RHOD: variants seen among roughly 807,000 people sequenced by gnomAD.
RHOD encodes the protein ras homolog family member D.
Under a neutral mutation model 16.7 loss-of-function variants are expected in RHOD, and 11 were observed. That is an observed-to-expected ratio of 0.66 (90% CI 0.41 to 1.09). The LOEUF (loss-of-function observed/expected upper bound fraction) is 1.09. Among genes scored for constraint, RHOD ranks in the 50% least tolerant of loss-of-function variants. The probability of loss-of-function intolerance (pLI) is 0.00; values close to 1 mark genes in which losing one functional copy is unlikely to be tolerated. For missense variants in RHOD, 271 were observed against 291.7 expected, an observed-to-expected ratio of 0.93 and a Z score of 0.52; for synonymous variants, 124 against 126.3, an observed-to-expected ratio of 0.98 and a Z score of 0.12.
chr11:67,070,662 C>A, intron 4 of RHOD, 103 bp downstream of exon 4: 1 of 1,407,902 alleles, frequency 7.1e-7, no homozygotes, highest in Non-Finnish European at 9.9e-7. Flanking sequence ...GGGTGTAGGT[C>A]AGAGCTGCGG....
intron 3 of RHOD, among the ~76,000 whole-genome samples, chr11:67,068,146 C>T (rs1832718451): frequency 6.6e-6 from 1 of 152,188 alleles, no homozygotes; most frequent in Non-Finnish European, 1.5e-5. Context: ...TTGCCCTTGG[C>T]CAAGATGACA....
Position 67,071,420 on chromosome 11 carries a change from C to T in RHOD, c.466-15C>T. 6.4e-7 allele frequency: 1 copy of T among 1,572,466 alleles called. No homozygotes were observed. ...GTGCCCCCTTCACCGCAGCCCCATC[C>T]ACCTCTCCCTCTAGGGCCAGGAGAT... On this transcript the variant is annotated splice_polypyrimidine_tract_variant and intron_variant, in intron 4 of 4. Coordinates refer to ENST00000308831, the MANE Select transcript of RHOD (RefSeq NM_014578.4).
At chr11:67,070,269 G>A in intron 3 of RHOD, 156 bp from the exon 4 acceptor site, 1 of 805,468 alleles carries the variant, frequency 1.2e-6, no homozygotes, top group Non-Finnish European at 2.1e-6. Context: ...ATTCTTAGAT[G>A]AGGTTCTGGT....
At position 67,071,697 on chromosome 11, in the gene RHOD, C is replaced by G; in HGVS notation, c.*95C>G. ...GACCCGGTCCCTAGGCTGTGACCGC[C>G]GAACTCCACTGCAACAGACGGGCGC... On this transcript the variant is annotated 3_prime_UTR_variant, in exon 5 of 5. Coordinates refer to ENST00000308831, the MANE Select transcript of RHOD (RefSeq NM_014578.4). The G allele has an allele frequency of 7.9e-7, 1 of 1,268,488 alleles. No homozygotes were observed. Among genetic ancestry groups the G allele is most frequent in the Non-Finnish European group, 1.1e-6 (1 of 942,930 alleles). The allele number at this position is 1,268,488 out of a possible 1,614,324, so 78.6% of individuals were successfully genotyped here.
intron 3 of RHOD, among the ~76,000 whole-genome samples, chr11:67,069,233 C>T (rs979081297): frequency 2.0e-5 from 3 of 152,240 alleles, no homozygotes; most frequent in Non-Finnish European, 4.4e-5. Context: ...ATCCCCGGCT[C>T]CCCAGCTGTA....
At chr11:67,058,771 T>C (rs1349194120) in intron 1 of RHOD, among the ~76,000 whole-genome samples, 2 of 152,214 alleles carry the variant, frequency 1.3e-5, no homozygotes, top group Admixed American at 6.5e-5. Flanking sequence ...CCTTGGCCCA[T>C]GTGCTTTCTG....
chr11:67,066,451 G>C (rs1007624028), intron 2 of RHOD, among the ~76,000 whole-genome samples: 11 of 152,232 alleles, frequency 7.2e-5, no homozygotes, highest in Admixed American at 2.6e-4. Flanking sequence ...TCAGGGCAAA[G>C]CTGGCTTCTG....
In RHOD at chr11:67,071,590, C is replaced by G. The variant is rs748057809; in HGVS notation, c.621C>G (p.Cys207Trp). ...GGCGGCGGATTACCCAGGGCTTTTG[C>G]GTGGTGACCTGAGCGGCTCGGGGCG... is the stretch of plus-strand genomic sequence containing the variant. ...NFWRRITQGFCVVT is the reference protein window; with the variant it reads ...NFWRRITQGFWVVT Residue 207 changes from cysteine (C) to tryptophan (W), a missense_variant, in exon 5 of 5, where the codon TGC (cysteine) becomes TGG (tryptophan). Coordinates refer to ENST00000308831, the MANE Select transcript of RHOD (RefSeq NM_014578.4). 1 of 1,605,476 alleles carries G rather than the reference C, an allele frequency of 6.2e-7. No homozygotes were observed. Among genetic ancestry groups the G allele is most frequent in the Non-Finnish European group, 8.5e-7 (1 of 1,175,754 alleles).
At chr11:67,057,781 T>A (rs1481731324) in intron 1 of RHOD, among the ~76,000 whole-genome samples, 1 of 152,166 alleles carries the variant, frequency 6.6e-6, no homozygotes, top group Non-Finnish European at 1.5e-5. Flanking sequence ...TGTAGGGCAG[T>A]GGTGAAGTGG....
intron 3 of RHOD, among the ~76,000 whole-genome samples, chr11:67,068,882 G>A (rs1339769496): frequency 1.3e-5 from 2 of 152,066 alleles, no homozygotes; most frequent in African/African-American, 2.4e-5. Context: ...CGGTGGATGC[G>A]GGGGTGTGGG....
At position 67,059,276 on chromosome 11, in the gene RHOD, A is replaced by T. The variant is rs377207592; in HGVS notation, c.132+2242A>T. On this transcript the variant is annotated intron_variant, in intron 1 of 4. Transcript: ENST00000308831. ...CACAATGGGCCGGGCGTAATGGCCC[A>T]CACCTGTAATCCCAGCTCTCTGGGA... 6.6e-5 allele frequency among the ~76,000 whole-genome samples: 10 copies of T among 152,288 alleles called. No homozygotes were observed. The East Asian group carries it at 1.4e-3, about 21-fold the overall frequency.
Position 67,070,554 on chromosome 11 carries a change from C to G in RHOD, c.460C>G (p.His154Asp), listed in dbSNP as rs1183286107. Reference sequence around the variant, plus strand: ...AAACGGATTGGAGCCTGTGACCTACCACAGGGTAGGAAACCCAGCCCGAGG... The same window carrying G: ...AAACGGATTGGAGCCTGTGACCTACGACAGGGTAGGAAACCCAGCCCGAGG... ...RRNGLEPVTY[H>D]RGQEMARSVG... Residue 154 changes from histidine (H) to aspartate (D), a missense_variant, in exon 4 of 5, where the codon CAC becomes GAC. By Grantham distance (81) the His-to-Asp change is moderately conservative. Transcript: ENST00000308831. The G allele has an allele frequency of 6.2e-6, 10 of 1,613,916 alleles. No individual in the cohort carries two copies. The highest frequency in any genetic ancestry group is 8.5e-6 in the Non-Finnish European group (10 of 1,180,024).
intron 1 of RHOD, among the ~76,000 whole-genome samples, chr11:67,058,928 G>A (rs972897957): frequency 9.9e-5 from 15 of 152,268 alleles, no homozygotes; most frequent in Admixed American, 4.6e-4. Flanking sequence ...GAGGGCACCC[G>A]GGGAAGAGCA....
Position 67,065,749 on chromosome 11 carries a change from G to A in RHOD, c.133-147G>A, listed in dbSNP as rs1204251174. 31 of 589,802 alleles carry A rather than the reference G, an allele frequency of 5.3e-5. 1 individual carries two copies. The highest frequency in any genetic ancestry group is 2.6e-4 in the East Asian group (9 of 34,682). The allele number at this position is 589,802 out of a possible 1,614,324, so 36.5% of individuals were successfully genotyped here. ...TGCAAAAGCAGACAGGCTCTAGGCC[G>A]CCACCCCAGGCAGGCCAAGGAGGAG... On this transcript the variant is annotated intron_variant, in intron 1 of 4. Coordinates refer to ENST00000308831, the MANE Select transcript of RHOD (RefSeq NM_014578.4).
At chr11:67,071,105 C>T (rs1417554716) in intron 4 of RHOD, among the ~76,000 whole-genome samples, 1 of 151,948 alleles carries the variant, frequency 6.6e-6, no homozygotes, top group African/African-American at 2.4e-5. Context: ...GGTGTGGTGG[C>T]GGGTGCCTGT....
intron 1 of RHOD, among the ~76,000 whole-genome samples, chr11:67,061,689 A>C (rs1240856003): frequency 8.2e-6 from 1 of 122,346 alleles, no homozygotes; most frequent in Non-Finnish European, 1.7e-5. Context: ...AGCCGAGATC[A>C]GGCCACTGCA....
intron 1 of RHOD, among the ~76,000 whole-genome samples, chr11:67,063,152 G>A (rs1331313442): frequency 6.6e-6 from 1 of 152,170 alleles, no homozygotes; most frequent in African/African-American, 2.4e-5. Context: ...CACTTTGGGA[G>A]GCCAAGGCAG....
At chr11:67,057,698 C>T (rs1438004627) in intron 1 of RHOD, among the ~76,000 whole-genome samples, 3 of 152,222 alleles carry the variant, frequency 2.0e-5, no homozygotes, top group Non-Finnish European at 4.4e-5. Context: ...CTCTGAGCCC[C>T]GTGCCCTTTT....
At chr11:67,062,711 C>T (rs1208540741) in intron 1 of RHOD, among the ~76,000 whole-genome samples, 3 of 152,224 alleles carry the variant, frequency 2.0e-5, no homozygotes, top group Non-Finnish European at 4.4e-5. Context: ...GGCCAGCGGG[C>T]AGGCAGGCGT....
Sources: allele counts gnomAD v4.1 joint callset (sites outside exome capture counted in the v4.1 genomes callset), GRCh38; gene constraint gnomAD v4.1.1; transcripts MANE v1.5; gene names NCBI Gene and HGNC (gene_info 2026-07-23, HGNC 2026-07-21).